The following SF3B1 variants were observed in gnomAD, a reference collection of about 807,000 sequenced individuals.
SF3B1 encodes the protein pre-mRNA processing 10.
SF3B1 carries 12 observed loss-of-function variants against 153.8 expected under a neutral mutation model. That is an observed-to-expected ratio of 0.08 (90% CI 0.05 to 0.13). The LOEUF is 0.13. Among genes scored for constraint, SF3B1 ranks in the 10% least tolerant of loss-of-function variants. SF3B1 has a pLI of 1.00. For synonymous variants in SF3B1, 498 were observed against 525.2 expected, an observed-to-expected ratio of 0.95 and a Z score of 0.71; for missense variants, 513 against 1,606.1, an observed-to-expected ratio of 0.32 and a Z score of 11.63.
In SF3B1 at chr2:197,418,880, A is replaced by C. The variant is rs1190196646; in HGVS notation, c.416-292T>G. On this transcript the variant is annotated intron_variant, in intron 4 of 24. Transcript: ENST00000335508. The stretch of plus-strand genomic sequence containing the variant: ...AGAAGTGATGGGTTCCTGGGTTGCT[A>C]ATCCGGAATACGTACACTTTCGTGC... 3 of 1,580,770 alleles carry C rather than the reference A, an allele frequency of 1.9e-6. No individual in the cohort carries two copies. The East Asian group carries it at 6.8e-5, about 36-fold the overall frequency.
intron 23 of SF3B1, among the ~76,000 whole-genome samples, chr2:197,393,730 C>T (rs1291053925): frequency 6.6e-6 from 1 of 152,040 alleles, no homozygotes; most frequent in African/African-American, 2.4e-5. Flanking sequence ...GGATTACAGG[C>T]GTGAGCCACC....
rs1371316743 is a variant in SF3B1 at position 197,400,231 on chromosome 2, G to T, written c.2901+21C>A. ...ATTAAACTATTTGGGGAAGAAGTAA[G>T]AATTTGATGCAAAAGTTTACCTCTT... On this transcript the variant is annotated intron_variant, in intron 19 of 24. Transcript: ENST00000335508. The surrounding 1 kb of genome is among the most constrained non-coding windows in gnomAD (Gnocchi z 5.0). The T allele has an allele frequency of 1.9e-6, 3 of 1,612,330 alleles. No individual in the cohort carries two copies. The highest frequency in any genetic ancestry group is 2.5e-6 in the Non-Finnish European group (3 of 1,178,794).
intron 1 of SF3B1, among the ~76,000 whole-genome samples, chr2:197,427,521 A>G (rs1379767586): frequency 1.3e-5 from 2 of 152,246 alleles, no homozygotes; most frequent in African/African-American, 2.4e-5. Flanking sequence ...AATACCAAAT[A>G]TAACATACCC....
chr2:197,421,910 G>A (rs2085249063), intron 2 of SF3B1, among the ~76,000 whole-genome samples: 1 of 152,214 alleles, frequency 6.6e-6, no homozygotes, highest in Non-Finnish European at 1.5e-5. Flanking sequence ...GATCTCGGGA[G>A]GCGAAGGCTA....
At chr2:197,411,416 G>A (rs1290717272) in intron 6 of SF3B1, among the ~76,000 whole-genome samples, 3 of 151,618 alleles carry the variant, frequency 2.0e-5, no homozygotes, top group Non-Finnish European at 2.9e-5. Context: ...GCTCACACCC[G>A]TAATCCCAGC....
chr2:197,399,928 A>G (rs1361685676), intron 20 of SF3B1, 127 bp downstream of exon 20: 29 of 657,726 alleles, frequency 4.4e-5, no homozygotes, highest in Non-Finnish European at 6.4e-5. Flanking sequence ...CTTAACTACA[A>G]TCTTGAAGTG....
intron 6 of SF3B1, among the ~76,000 whole-genome samples, chr2:197,415,888 C>G (rs2085140327): frequency 6.6e-6 from 1 of 152,114 alleles, no homozygotes; most frequent in South Asian, 2.1e-4. Context: ...CAACCTCTAC[C>G]TCCGGGGATC....
At position 197,419,399 on chromosome 2, in the gene SF3B1, G is replaced by A. The variant is rs1485677516; in HGVS notation, c.416-811C>T. On this transcript the variant is annotated intron_variant, in intron 4 of 24. Coordinates refer to ENST00000335508, the MANE Select transcript of SF3B1 (RefSeq NM_012433.4). ...AACAGTATATAACAAGATTCACAGA[G>A]GCACACTATGCTTTAGAAATGTGGT... is the stretch of plus-strand genomic sequence containing the variant. 14 of 229,452 alleles carry A rather than the reference G, an allele frequency of 6.1e-5. No individual in the cohort carries two copies. The South Asian group carries it at 1.6e-3, about 26-fold the overall frequency. 14.2% of individuals were successfully genotyped at this position (229,452 alleles called of 1,614,324 possible). A position where few individuals can be genotyped will look rare whatever the true frequency, so the allele number is the denominator to read the frequency against.
At chr2:197,431,628 A>G (rs1022728598) in intron 1 of SF3B1, among the ~76,000 whole-genome samples, 1 of 152,214 alleles carries the variant, frequency 6.6e-6, no homozygotes, top group East Asian at 1.9e-4. Flanking sequence ...TCCTTCAGCC[A>G]GATATAACCG....
chr2:197,398,123 T>C lies in SF3B1; in HGVS notation c.3135-7A>G. The C allele has an allele frequency of 6.3e-7, 1 of 1,597,332 alleles. No homozygotes were observed. On this transcript the variant is annotated splice_region_variant and splice_polypyrimidine_tract_variant and intron_variant, in intron 21 of 24. Coordinates refer to ENST00000335508, the MANE Select transcript of SF3B1 (RefSeq NM_012433.4). ...AGATACATATTCAGCTCCCCTAATT[T>C]AAAAAATACACATATTAATTATTGT...
rs2105984599 is a variant in SF3B1 at position 197,401,871 on chromosome 2, C to T, written c.2241G>A (p.Leu747=). ...QHRGKGLAAF[L]KAIGYLIPLM... Reference sequence around the variant, plus strand: ...GAGGAATAAGATACCCAATAGCCTTCAAGAAAGCAGCCAAACCCTATTTTT... The same window carrying T: ...GAGGAATAAGATACCCAATAGCCTTTAAGAAAGCAGCCAAACCCTATTTTT... The change falls in exon 16 of 25, where the codon TTG becomes TTA. Residue 747 remains leucine (L), a synonymous_variant. Transcript: ENST00000335508. The surrounding 1 kb of genome is among the most constrained non-coding windows in gnomAD (Gnocchi z 4.2). 1.9e-6 allele frequency: 3 copies of T among 1,600,386 alleles called. No homozygotes were observed. Among genetic ancestry groups the T allele is most frequent in the Non-Finnish European group, 2.6e-6 (3 of 1,176,206 alleles).
intron 11 of SF3B1, 62 bp downstream of exon 11, chr2:197,405,014 C>T: frequency 1.7e-6 from 2 of 1,207,232 alleles, no homozygotes; most frequent in East Asian, 2.6e-5. Context: ...ACAAAAACTA[C>T]AAATTTTTTT....
Position 197,402,849 on chromosome 2 carries a change from A to G in SF3B1, c.1807-23T>C, listed in dbSNP as rs2084949260. 1 of 1,612,340 alleles carries G rather than the reference A, an allele frequency of 6.2e-7. No individual in the cohort carries two copies. The highest frequency in any genetic ancestry group is 8.5e-7 in the Non-Finnish European group (1 of 1,178,726). ...AGCCTAAAATGTAAACAAAGAAAGG[A>G]CAGTCATGAGTTGGTAATATTAATC... On this transcript the variant is annotated intron_variant, in intron 13 of 24. Transcript: ENST00000335508. The surrounding 1 kb of genome is among the most constrained non-coding windows in gnomAD (Gnocchi z 4.6).
chr2:197,419,954 TTTTAAC>T (rs2085213154), intron 4 of SF3B1: 1 of 223,050 alleles, frequency 4.5e-6, no homozygotes, highest in Non-Finnish European at 8.9e-6. Context: ...CATACTTTTG[TTTTAAC>T]TTTAAGTATG....
chr2:197,396,332 A>C lies in SF3B1; in HGVS notation c.3267-4T>G, dbSNP rs1291606406. On this transcript the variant is annotated splice_polypyrimidine_tract_variant and splice_region_variant and intron_variant, in intron 22 of 24. Coordinates refer to ENST00000335508, the MANE Select transcript of SF3B1 (RefSeq NM_012433.4). Reference sequence around the variant, plus strand: ...TGTAGCCAATACATCATGAGGGCTGAAAAAAACAAATGGGTCAACAAGCTG... The same window carrying C: ...TGTAGCCAATACATCATGAGGGCTGCAAAAAACAAATGGGTCAACAAGCTG... 1.2e-5 allele frequency: 19 copies of C among 1,603,858 alleles called. No individual in the cohort carries two copies. Among genetic ancestry groups the C allele is most frequent in the Non-Finnish European group, 1.5e-5 (18 of 1,173,528 alleles).
intron 23 of SF3B1, chr2:197,393,438 C>T: frequency 4.1e-6 from 2 of 489,116 alleles, no homozygotes; most frequent in South Asian, 6.2e-5. Context: ...AACAATTAAG[C>T]CATATTTTCT....
chr2:197,401,248 ACTGG>A lies in SF3B1; in HGVS notation c.2496+148_2496+151del. On this transcript the variant is annotated intron_variant, in intron 17 of 24. Coordinates refer to ENST00000335508, the MANE Select transcript of SF3B1 (RefSeq NM_012433.4). This position sits in a 1 kb window ranked among gnomAD's most constrained non-coding sequence, Gnocchi z 4.2. ...GAATCCAAAATCAAAATGGAAGTTAACTGGCTGACTAAAATCCATCTCCTTTCAT... is the reference window on the plus strand; with the variant it reads ...GAATCCAAAATCAAAATGGAAGTTAACTGACTAAAATCCATCTCCTTTCAT... The A allele has an allele frequency of 4.0e-6, 3 of 747,456 alleles. No homozygotes were observed. The highest frequency in any genetic ancestry group is 6.6e-6 in the Non-Finnish European group (3 of 454,326). The allele number at this position is 747,456 out of a possible 1,614,324, so 46.3% of individuals were successfully genotyped here.
intron 9 of SF3B1, among the ~76,000 whole-genome samples, chr2:197,407,628 T>C (rs1290505758): frequency 4.7e-5 from 7 of 148,230 alleles, no homozygotes; most frequent in African/African-American, 1.8e-4. Flanking sequence ...AAAAAAAAAA[T>C]TCTTTGTGTC....
chr2:197,422,715 C>T (rs1328042030), intron 2 of SF3B1, among the ~76,000 whole-genome samples: 2 of 151,592 alleles, frequency 1.3e-5, no homozygotes, highest in African/African-American at 4.8e-5. Context: ...ACGGTGAAAC[C>T]CCGTCTCTAC....
Sources: allele counts gnomAD v4.1 joint callset (sites outside exome capture counted in the v4.1 genomes callset), GRCh38; gene constraint gnomAD v4.1.1; non-coding constraint Gnocchi (gnomAD v3.1); transcripts MANE v1.5; gene names NCBI Gene and HGNC (gene_info 2026-07-23, HGNC 2026-07-21).